The following RAB6A variants were observed in gnomAD, a reference collection of about 807,000 sequenced individuals.
RAB6A encodes RAB6A, member RAS oncogene family.
RAB6A carries 8 observed loss-of-function variants against 32.3 expected under a neutral mutation model. That is an observed-to-expected ratio of 0.25 (90% CI 0.15 to 0.45). The LOEUF (loss-of-function observed/expected upper bound fraction) is 0.45, where lower values mean the gene tolerates loss of function less well. Ranked by LOEUF, RAB6A falls within the 20% of genes least tolerant of loss-of-function variation. The pLI is 1.00. For synonymous variants in RAB6A, 73 were observed against 82.1 expected, an observed-to-expected ratio of 0.89 and a Z score of 0.60; for missense variants, 104 against 249.4, an observed-to-expected ratio of 0.42 and a Z score of 3.93.
Position 73,716,245 on chromosome 11 carries a change from C to T in RAB6A, c.401+6G>A, listed in dbSNP as rs768356504. On this transcript the variant is annotated splice_donor_region_variant and intron_variant, in intron 5 of 7. Transcript: ENST00000336083. ...AACATTACACACATATAAAATAACT[C>T]CATACCTCTTGTCAGCAAGATCTGT... The T allele has an allele frequency of 4.6e-5, 73 of 1,580,682 alleles. No homozygotes were observed. The Admixed American group carries it at 1.2e-3, about 26-fold the overall frequency.
intron 2 of RAB6A, among the ~76,000 whole-genome samples, chr11:73,729,147 G>A (rs1946267724): frequency 6.6e-6 from 1 of 152,102 alleles, no homozygotes; most frequent in African/African-American, 2.4e-5. Flanking sequence ...CACCCAGGCT[G>A]GAATGCAGTG....
chr11:73,679,816 G>A (rs1945326667), intron 6 of RAB6A, 96 bp from the exon 7 acceptor site: 9 of 1,510,992 alleles, frequency 6.0e-6, no homozygotes, highest in Non-Finnish European at 8.3e-6. Flanking sequence ...CTAATGCTGG[G>A]CGCAGTGGCT....
rs975822897 is a variant in RAB6A at position 73,760,691 on chromosome 11, T to C, written c.-56A>G. The C allele has an allele frequency of 2.6e-6, 4 of 1,566,952 alleles. No individual in the cohort carries two copies. Among genetic ancestry groups the C allele is most frequent in the Non-Finnish European group, 3.5e-6 (4 of 1,154,928 alleles). On this transcript the variant is annotated 5_prime_UTR_variant, in exon 1 of 8. Transcript: ENST00000336083. ...GCCTAGAGACCTCCCGGACCGATGC[T>C]GCTCCAGCCAGCTGACGAAAAAGGC...
chr11:73,740,527 T>C (rs763349649), intron 1 of RAB6A, among the ~76,000 whole-genome samples: 1 of 152,084 alleles, frequency 6.6e-6, no homozygotes, highest in African/African-American at 2.4e-5. Flanking sequence ...AAAAATCTAG[T>C]AGCCTTTCTC....
rs10676769 is a variant in RAB6A at position 73,735,920 on chromosome 11, T to TA, written c.71-5098dup. ...AGTTTCTGGAATCCCAACCTTGCCT[T>TA]AAAAAAAAAAAAAAAAAAGAGAGAG... On this transcript the variant is annotated intron_variant, in intron 1 of 7. Transcript: ENST00000336083. Among the ~76,000 whole-genome samples the TA allele has an allele frequency of 4.9e-4, 43 of 87,080 alleles. 2 individuals carry two copies. The highest frequency in any genetic ancestry group is 2.0e-3 in the East Asian group (5 of 2,470). 57.1% of individuals were successfully genotyped at this position (87,080 alleles called of 152,430 possible).
At chr11:73,685,575 C>T (rs1303484543) in intron 6 of RAB6A, among the ~76,000 whole-genome samples, 1 of 9,670 alleles carries the variant, frequency 1.0e-4, no homozygotes, top group Non-Finnish European at 3.2e-4. Context: ...GTGTGAGCCA[C>T]CACGCCCGGA....
chr11:73,712,969 C>T (rs1465738891), intron 5 of RAB6A, among the ~76,000 whole-genome samples: 3 of 151,648 alleles, frequency 2.0e-5, no homozygotes, highest in East Asian at 2.0e-4. Flanking sequence ...CTGCCTGCCT[C>T]GGATTGCCAA....
intron 2 of RAB6A, among the ~76,000 whole-genome samples, chr11:73,724,174 A>G (rs181206129): frequency 1.1e-3 from 171 of 152,360 alleles, no homozygotes; most frequent in Middle Eastern, 3.4e-3. Flanking sequence ...AGCATGTAAA[A>G]CAACAGCAAT....
At chr11:73,699,160 C>T (rs548422595) in intron 6 of RAB6A, among the ~76,000 whole-genome samples, 1 of 151,322 alleles carries the variant, frequency 6.6e-6, no homozygotes, top group African/African-American at 2.4e-5. Context: ...GCCGATAATG[C>T]TGTTTTTTAA....
chr11:73,714,192 C>CAAAAAAAAAAAA (rs71272251), intron 5 of RAB6A, among the ~76,000 whole-genome samples: 1 of 66,182 alleles, frequency 1.5e-5, no homozygotes, highest in African/African-American at 6.1e-5. Context: ...AACTCCATCT[C>CAAAAAAAAAAAA]AAAAAAAAAA....
At chr11:73,725,345 A>T (rs1239877314) in intron 2 of RAB6A, among the ~76,000 whole-genome samples, 1 of 152,212 alleles carries the variant, frequency 6.6e-6, no homozygotes, top group Non-Finnish European at 1.5e-5. Flanking sequence ...AATGAGGAGA[A>T]ATGAGATGAC....
intron 1 of RAB6A, among the ~76,000 whole-genome samples, chr11:73,743,634 C>CA (rs200835768): frequency 1.7e-3 from 246 of 148,468 alleles, no homozygotes; most frequent in African/African-American, 5.5e-3. Context: ...AACCACCAAC[C>CA]AAAAAAAAAC....
At position 73,718,744 on chromosome 11, in the gene RAB6A, C is replaced by A. The variant is rs746578262; in HGVS notation, c.184-26G>T. 3.1e-6 allele frequency: 5 copies of A among 1,613,740 alleles called. No homozygotes were observed. The Admixed American group carries it at 8.3e-5, about 27-fold the overall frequency. ...CTAACAACAAAATCAGTCAAACAAG[C>A]AAGAAAAATAAGAAAGGTCAACCCG... On this transcript the variant is annotated intron_variant, in intron 3 of 7. Transcript: ENST00000336083.
At chr11:73,716,441 A>G in intron 4 of RAB6A, 79 bp from the exon 5 acceptor site, 1 of 1,005,364 alleles carries the variant, frequency 9.9e-7, no homozygotes, top group African/African-American at 1.6e-5. Context: ...CCTCCAAAAA[A>G]GCCCTGGAAG....
intron 6 of RAB6A, among the ~76,000 whole-genome samples, chr11:73,706,457 T>C (rs967250262): frequency 1.3e-5 from 2 of 150,538 alleles, no homozygotes; most frequent in African/African-American, 4.9e-5. Flanking sequence ...AAGCTTGCAG[T>C]GAGCCGAGAT....
chr11:73,733,941 TTAAAA>T (rs1252167362), intron 1 of RAB6A, among the ~76,000 whole-genome samples: 1 of 152,172 alleles, frequency 6.6e-6, no homozygotes, highest in African/African-American at 2.4e-5. Context: ...ATGTTATACT[TTAAAA>T]TAAAATCTTT....
intron 1 of RAB6A, among the ~76,000 whole-genome samples, chr11:73,757,918 AAAG>A (rs780025177): frequency 1.3e-5 from 2 of 152,262 alleles, no homozygotes; most frequent in Non-Finnish European, 2.9e-5. Flanking sequence ...ACTGAACAAA[AAAG>A]AATAGTTTTT....
intron 6 of RAB6A, among the ~76,000 whole-genome samples, chr11:73,689,641 C>T (rs1204267482): frequency 6.6e-6 from 1 of 152,204 alleles, no homozygotes; most frequent in African/African-American, 2.4e-5. Context: ...ATCTCTGAAT[C>T]CACTTATGAC....
chr11:73,742,106 A>T (rs1380190362), intron 1 of RAB6A, among the ~76,000 whole-genome samples: 1 of 151,898 alleles, frequency 6.6e-6, no homozygotes, highest in Non-Finnish European at 1.5e-5. Context: ...ATATGGTGAA[A>T]CCCTGTCTCT....
Sources: allele counts gnomAD v4.1 joint callset (sites outside exome capture counted in the v4.1 genomes callset), GRCh38; gene constraint gnomAD v4.1.1; transcripts MANE v1.5; gene names NCBI Gene and HGNC (gene_info 2026-07-23, HGNC 2026-07-21).